LCN8: variants seen among roughly 807,000 people sequenced by gnomAD.
LCN8 encodes lipocalin 8.
In LCN8, 16 loss-of-function variants were observed where a neutral mutation model predicts 22.8. The ratio of observed to expected loss-of-function variants is 0.70; its 90% CI spans 0.47 to 1.06. The LOEUF (loss-of-function observed/expected upper bound fraction) is 1.06. Among genes scored for constraint, LCN8 ranks in the 50% least tolerant of loss-of-function variants. LCN8 has a pLI of 0.00. For missense variants in LCN8, 189 were observed against 203.3 expected, an observed-to-expected ratio of 0.93 and a Z score of 0.43; for synonymous variants, 92 against 83.4, an observed-to-expected ratio of 1.10 and a Z score of -0.56.
chr9:136,754,395 C>G lies in LCN8; in HGVS notation c.*103G>C. 1 of 1,514,830 alleles carries G rather than the reference C, an allele frequency of 6.6e-7. No individual in the cohort carries two copies. Among genetic ancestry groups the G allele is most frequent in the Non-Finnish European group, 8.8e-7 (1 of 1,131,418 alleles). 93.8% of individuals were successfully genotyped at this position (1,514,830 alleles called of 1,614,324 possible). On this transcript the variant is annotated 3_prime_UTR_variant, in exon 7 of 7. Coordinates refer to ENST00000371688, the MANE Select transcript of LCN8 (RefSeq NM_178469.4). ...CACACCAGGCAGTGGCTTGACTTCA[C>G]AGTTTATTCAGAGCAGGTGCAGGTG...
At chr9:136,758,257 C>T (rs1030114235), upstream of LCN8, 12 of 1,244,174 alleles carry the variant, frequency 9.6e-6, no homozygotes, top group South Asian at 2.6e-5. Context: ...GGGGCCGTCT[C>T]GGAGCCTGAG....
Position 136,755,413 on chromosome 9 carries a change from A to G in LCN8, c.330T>C (p.Phe110=). Residue 110 remains phenylalanine (F), a splice_region_variant and synonymous_variant, in exon 4 of 7, where the codon TTT becomes TTC. Transcript: ENST00000371688. ...RGRNFRVLKY[F]TRSLEDKDRL... ...AGAGCCCCCCAGGGCCAAGCTTACT[A>G]AAGTACTTGAGGACGCGAAAGTTCC... is the stretch of plus-strand genomic sequence containing the variant. 1 of 1,611,646 alleles carries G rather than the reference A, an allele frequency of 6.2e-7. No homozygotes were observed. The highest frequency in any genetic ancestry group is 8.5e-7 in the Non-Finnish European group (1 of 1,179,922).
chr9:136,757,520 C>G (rs1435618686), intron 1 of LCN8: 1 of 1,354,172 alleles, frequency 7.4e-7, no homozygotes, highest in Non-Finnish European at 9.5e-7. Context: ...AAAAGAAAGC[C>G]CGCAGGGCGC....
At position 136,755,528 on chromosome 9, in the gene LCN8, G is replaced by A. The variant is rs761032629; in HGVS notation, c.227-12C>T. ...GATCTCTCTGTGGCCTTCAAGAGCC[G>A]GCCATGGCGTTGGGGGAGACGTCTG... On this transcript the variant is annotated splice_polypyrimidine_tract_variant and intron_variant, in intron 3 of 6. Transcript: ENST00000371688. The A allele has an allele frequency of 3.0e-5, 49 of 1,608,784 alleles. 1 individual carries two copies. Among genetic ancestry groups the A allele is most frequent in the Admixed American group, 5.0e-5 (3 of 59,500 alleles).
In LCN8 at chr9:136,756,958, G is replaced by C; in HGVS notation, c.155+80C>G. ...GGACGGCACTCAGCCCAGACCCCAC[G>C]CTGCAGCGGGTGCAGCAACCCACGC... On this transcript the variant is annotated intron_variant, in intron 2 of 6. Transcript: ENST00000371688. 8 of 1,508,082 alleles carry C rather than the reference G, an allele frequency of 5.3e-6. No homozygotes were observed. The South Asian group carries it at 9.7e-5, about 18-fold the overall frequency. 93.4% of individuals were successfully genotyped at this position (1,508,082 alleles called of 1,614,324 possible).
At position 136,758,236 on chromosome 9, in the gene LCN8, T is replaced by C. The variant is rs2131094023; in HGVS notation, c.-306A>G. On this transcript the variant is annotated 5_prime_UTR_variant, in exon 1 of 7. Transcript: ENST00000371688. The stretch of plus-strand genomic sequence containing the variant: ...CACCCTCCTGGCATATGGACAGCGG[T>C]GGACGCTGCTGGGGCCGTCTCGGAG... 3 of 1,310,678 alleles carry C rather than the reference T, an allele frequency of 2.3e-6. No homozygotes were observed. Among genetic ancestry groups the C allele is most frequent in the East Asian group, 2.9e-5 (1 of 34,154 alleles). 81.2% of individuals were successfully genotyped at this position (1,310,678 alleles called of 1,614,324 possible). A position where few individuals can be genotyped will look rare whatever the true frequency, so the allele number is the denominator to read the frequency against.
chr9:136,755,394 C>A lies in LCN8; in HGVS notation c.331+18G>T, dbSNP rs200208523. On this transcript the variant is annotated intron_variant, in intron 4 of 6. Transcript: ENST00000371688. ...GGGAGAGCAGCAGCTGGGCAGAGCCCCCCAGGGCCAAGCTTACTAAAGTAC... is the reference window on the plus strand; with the variant it reads ...GGGAGAGCAGCAGCTGGGCAGAGCCACCCAGGGCCAAGCTTACTAAAGTAC... The A allele has an allele frequency of 6.2e-7, 1 of 1,611,228 alleles. No homozygotes were observed. The highest frequency in any genetic ancestry group is 8.5e-7 in the Non-Finnish European group (1 of 1,179,954).
At position 136,758,092 on chromosome 9, in the gene LCN8, C is replaced by T; in HGVS notation, c.-162G>A. On this transcript the variant is annotated 5_prime_UTR_variant, in exon 1 of 7. Transcript: ENST00000371688. ...TTGTGCGCCCACCCGGGAATGTCAT[C>T]AGGACAGCTTGGCTGCTGGCAGCTC... The T allele has an allele frequency of 2.0e-6, 3 of 1,479,588 alleles. No individual in the cohort carries two copies. Among genetic ancestry groups the T allele is most frequent in the South Asian group, 1.3e-5 (1 of 76,772 alleles). 91.7% of individuals were successfully genotyped at this position (1,479,588 alleles called of 1,614,324 possible). A position where few individuals can be genotyped will look rare whatever the true frequency, so the allele number is the denominator to read the frequency against.
At chr9:136,756,669 T>G (rs1847213019) in intron 2 of LCN8, 77 bp from the exon 3 acceptor site, 2 of 1,578,192 alleles carry the variant, frequency 1.3e-6, no homozygotes, top group Non-Finnish European at 1.7e-6. Context: ...GGAGTGGGGC[T>G]GTGTCTTTAG....
chr9:136,758,317 C>G (rs1436644970), upstream of LCN8: 4 of 1,142,056 alleles, frequency 3.5e-6, no homozygotes, highest in African/African-American at 1.6e-5. Context: ...ACCCCCACCC[C>G]ACATGACACT....
At chr9:136,758,461 G>A, upstream of LCN8, 1 of 992,194 alleles carries the variant, frequency 1.0e-6, no homozygotes, top group African/African-American at 1.7e-5. Flanking sequence ...GCAGTGGGCA[G>A]TCAGAGCTCC....
In LCN8 at chr9:136,757,943, C is replaced by T; in HGVS notation, c.-13G>A. ...CCAGCTCCTCCATGGCTGCTGCCAC[C>T]TGCGCCCGGAGCACCACGAGGACAC... is the stretch of plus-strand genomic sequence containing the variant. On this transcript the variant is annotated 5_prime_UTR_variant, in exon 1 of 7. Coordinates refer to ENST00000371688, the MANE Select transcript of LCN8 (RefSeq NM_178469.4). 1 of 1,613,208 alleles carries T rather than the reference C, an allele frequency of 6.2e-7. No individual in the cohort carries two copies. The highest frequency in any genetic ancestry group is 8.5e-7 in the Non-Finnish European group (1 of 1,179,932).
In LCN8 at chr9:136,756,178, AGGGAACAGCATG is replaced by A. The variant is rs1564331706; in HGVS notation, c.226+332_226+343del. The A allele has an allele frequency of 8.8e-6, 9 of 1,025,016 alleles. No individual in the cohort carries two copies. The African/African-American group carries it at 1.4e-4, about 16-fold the overall frequency. The allele number at this position is 1,025,016 out of a possible 1,614,324, so 63.5% of individuals were successfully genotyped here. On this transcript the variant is annotated intron_variant, in intron 3 of 6. Coordinates refer to ENST00000371688, the MANE Select transcript of LCN8 (RefSeq NM_178469.4). ...CAGGGAACAGCATGAGGAACAGTGC[AGGGAACAGCATG>A]GGGAACAGCGCAGGGAACAGCATGG...
intron 6 of LCN8, chr9:136,754,859 C>G: frequency 7.3e-7 from 1 of 1,362,216 alleles, no homozygotes; most frequent in South Asian, 2.0e-5. Flanking sequence ...GCTCCCCTGC[C>G]CCACCCAGCT....
chr9:136,757,877 G>C (rs7045416), intron 1 of LCN8, 30 bp downstream of exon 1: 216,316 of 1,613,412 alleles, frequency 0.13, 14,822 homozygotes, highest in Middle Eastern at 0.18. Flanking sequence ...GGTGTAGGAG[G>C]AGCCCCACCA....
At chr9:136,757,412 T>C (rs1192346046) in intron 1 of LCN8, 8 of 1,411,856 alleles carry the variant, frequency 5.7e-6, no homozygotes, top group Non-Finnish European at 5.5e-6. Flanking sequence ...CTGGGCCATC[T>C]AGAGCTGCGG....
Position 136,758,064 on chromosome 9 carries a change from G to A in LCN8, c.-134C>T. On this transcript the variant is annotated 5_prime_UTR_variant, in exon 1 of 7. Transcript: ENST00000371688. ...GGGCCGATTCTATACGGACAGTGCA[G>A]GCTTGTGCGCCCACCCGGGAATGTC... 1.3e-6 allele frequency: 2 copies of A among 1,508,062 alleles called. No individual in the cohort carries two copies. The highest frequency in any genetic ancestry group is 1.8e-6 in the Non-Finnish European group (2 of 1,124,786). 93.4% of individuals were successfully genotyped at this position (1,508,062 alleles called of 1,614,324 possible). A position where few individuals can be genotyped will look rare whatever the true frequency, so the allele number is the denominator to read the frequency against.
chr9:136,758,326 CTT>C, upstream of LCN8: 1 of 1,114,710 alleles, frequency 9.0e-7, no homozygotes, highest in Non-Finnish European at 1.1e-6. Flanking sequence ...CCACATGACA[CTT>C]GTTTTTTTGG....
Position 136,757,055 on chromosome 9 carries a change from C to T in LCN8, c.138G>A (p.Val46=), listed in dbSNP as rs1405206216. 25 of 1,613,318 alleles carry T rather than the reference C, an allele frequency of 1.5e-5. No individual in the cohort carries two copies. Among genetic ancestry groups the T allele is most frequent in the Non-Finnish European group, 2.0e-5 (24 of 1,179,812 alleles). ...FLTLSGSNLT[V]KVAYNSSGSC... is the part of the protein sequence containing the mutation. ...CCTCTTACCTGTTATATGCAACCTT[C>T]ACGGTCAGGTTACTCCCGCTCAAGG... The change falls in exon 2 of 7, where the codon GTG becomes GTA. Residue 46 remains valine (V), a synonymous_variant. Transcript: ENST00000371688.
Sources: allele counts gnomAD v4.1 joint callset, GRCh38; gene constraint gnomAD v4.1.1; transcripts MANE v1.5; gene names NCBI Gene and HGNC (gene_info 2026-07-23, HGNC 2026-07-21).